Variants in EEFSEC observed in about 807,000 individuals in gnomAD.
EEFSEC encodes the protein eukaryotic elongation factor, selenocysteine-tRNA specific.
EEFSEC carries 43 observed loss-of-function variants against 42.1 expected under a neutral mutation model. The ratio of observed to expected loss-of-function variants is 1.02; its 90% CI spans 0.80 to 1.32. The LOEUF (loss-of-function observed/expected upper bound fraction) is 1.32. Among genes scored for constraint, EEFSEC ranks in the 40% most tolerant of loss-of-function variants. EEFSEC has a pLI of 0.00. For missense variants in EEFSEC, 745 were observed against 803.6 expected, an observed-to-expected ratio of 0.93 and a Z score of 0.88; for synonymous variants, 354 against 339.1, an observed-to-expected ratio of 1.04 and a Z score of -0.48.
chr3:128,357,313 A>G (rs775405907), intron 5 of EEFSEC, among the ~76,000 whole-genome samples: 20 of 152,392 alleles, frequency 1.3e-4, no homozygotes, highest in Middle Eastern at 6.8e-3. Context: ...AACATAGCTC[A>G]TGGTGAAATC....
At chr3:128,188,197 G>A (rs1163084132) in intron 1 of EEFSEC, among the ~76,000 whole-genome samples, 1 of 152,138 alleles carries the variant, frequency 6.6e-6, no homozygotes, top group Non-Finnish European at 1.5e-5. Flanking sequence ...ACCCAAGTTA[G>A]GAAATAGACT....
chr3:128,350,604 T>C (rs1335701304), intron 5 of EEFSEC, among the ~76,000 whole-genome samples: 1 of 152,266 alleles, frequency 6.6e-6, no homozygotes, highest in Non-Finnish European at 1.5e-5. Flanking sequence ...CTGTGATAGC[T>C]AAGTGTCTTG....
rs908073883 is a variant in EEFSEC at position 128,297,306 on chromosome 3, C to T, written c.786+32525C>T. Among the ~76,000 whole-genome samples the T allele has an allele frequency of 3.3e-5, 5 of 152,166 alleles. No individual in the cohort carries two copies. The South Asian group carries it at 6.2e-4, about 19-fold the overall frequency. ...TTTATGCTTACCCTTCTCTTGATTA[C>T]CATCAAGTGTGATGATAACTTTCGG... On this transcript the variant is annotated intron_variant, in intron 4 of 6. Coordinates refer to ENST00000254730, the MANE Select transcript of EEFSEC (RefSeq NM_021937.5).
At position 128,317,839 on chromosome 3, in the gene EEFSEC, C is replaced by T. The variant is rs1251683341; in HGVS notation, c.787-23394C>T. Among the ~76,000 whole-genome samples the T allele has an allele frequency of 1.3e-5, 2 of 152,254 alleles. No homozygotes were observed. The highest frequency in any genetic ancestry group is 2.9e-5 in the Non-Finnish European group (2 of 68,052). On this transcript the variant is annotated intron_variant, in intron 4 of 6. Transcript: ENST00000254730. The surrounding 1 kb of genome is among the most constrained non-coding windows in gnomAD (Gnocchi z 4.1). ...GCTCCGTCCATCCACAGGCCTGGCA[C>T]AGATGTCCCCTCCTCTCTGAGGTTT...
At chr3:128,258,113 G>C (rs1001049208) in intron 2 of EEFSEC, among the ~76,000 whole-genome samples, 1 of 152,214 alleles carries the variant, frequency 6.6e-6, no homozygotes, top group Non-Finnish European at 1.5e-5. Context: ...TTGTGAAGAG[G>C]ATGTGGGACA....
chr3:128,153,552 C>T lies in EEFSEC; in HGVS notation c.45C>T (p.His15=). 1 of 1,530,904 alleles carries T rather than the reference C, an allele frequency of 6.5e-7. No individual in the cohort carries two copies. The allele number at this position is 1,530,904 out of a possible 1,614,324, so 94.8% of individuals were successfully genotyped here. Residue 15 remains histidine, a synonymous_variant, in exon 1 of 7, where the codon CAC becomes CAT. Transcript: ENST00000254730. The part of the protein sequence containing the change: ...RVNVNVGVLG[H]IDSGKTALAR... ...ACGTGAACGTGGGCGTGCTGGGCCA[C>T]ATCGACAGCGGCAAGACGGCGCTGG...
At chr3:128,286,012 C>T (rs1274118937) in intron 4 of EEFSEC, among the ~76,000 whole-genome samples, 1 of 152,240 alleles carries the variant, frequency 6.6e-6, no homozygotes, top group Non-Finnish European at 1.5e-5. Flanking sequence ...GGTTTGTAGT[C>T]ATGCATGTGT....
At chr3:128,373,361 T>C (rs2067674961) in intron 6 of EEFSEC, among the ~76,000 whole-genome samples, 1 of 152,330 alleles carries the variant, frequency 6.6e-6, no homozygotes, top group Non-Finnish European at 1.5e-5. Context: ...CTGGGCTCTC[T>C]CACCTGGCCA....
At chr3:128,380,456 A>G (rs752319545) in intron 6 of EEFSEC, among the ~76,000 whole-genome samples, 7 of 151,922 alleles carry the variant, frequency 4.6e-5, no homozygotes, top group Non-Finnish European at 7.4e-5. Flanking sequence ...CCCTTCCCCT[A>G]TCTTGTTTGG....
chr3:128,359,917 C>G (rs1165494725), intron 6 of EEFSEC, among the ~76,000 whole-genome samples: 3 of 152,192 alleles, frequency 2.0e-5, no homozygotes, highest in Admixed American at 1.3e-4. Context: ...GCACCCTTCC[C>G]TCTCCTGACA....
chr3:128,289,959 G>C (rs2066625550), intron 4 of EEFSEC, among the ~76,000 whole-genome samples: 1 of 152,178 alleles, frequency 6.6e-6, no homozygotes, highest in Non-Finnish European at 1.5e-5. Context: ...TGATTTGTAA[G>C]AGTTCTTATA....
chr3:128,215,388 TA>T lies in EEFSEC; in HGVS notation c.317-31444del, dbSNP rs2065799679. On this transcript the variant is annotated intron_variant, in intron 1 of 6. Transcript: ENST00000254730. ...TCCCTAGTGTCTATGTGACTTTGGATAAAATGATGATGATTATGACGGTGAT... is the reference window on the plus strand; with the variant it reads ...TCCCTAGTGTCTATGTGACTTTGGATAAATGATGATGATTATGACGGTGAT... Among the ~76,000 whole-genome samples the T allele has an allele frequency of 2.0e-5, 3 of 152,224 alleles. No individual in the cohort carries two copies. The South Asian group carries it at 6.2e-4, about 32-fold the overall frequency.
chr3:128,332,173 CAT>C lies in EEFSEC; in HGVS notation c.787-9059_787-9058del, dbSNP rs200477533. ...TATATACACATGTTATATACACACA[CAT>C]GTGTATGGTAGTATATATATGTATA... is the stretch of plus-strand genomic sequence containing the variant. On this transcript the variant is annotated intron_variant, in intron 4 of 6. Coordinates refer to ENST00000254730, the MANE Select transcript of EEFSEC (RefSeq NM_021937.5). Among the ~76,000 whole-genome samples the C allele has an allele frequency of 1.1e-3, 161 of 152,000 alleles. 1 individual carries two copies. The East Asian group carries it at 0.019, about 18-fold the overall frequency.
chr3:128,258,080 A>G (rs2955094), intron 2 of EEFSEC, among the ~76,000 whole-genome samples: 127,837 of 152,188 alleles, frequency 0.84, 54,168 homozygotes, highest in East Asian at 0.99. Flanking sequence ...AATAGCTTAG[A>G]TGGCACACAA....
rs769084139 is a variant in EEFSEC at position 128,341,900 on chromosome 3, C to T, written c.1443+11C>T. The T allele has an allele frequency of 1.0e-5, 16 of 1,606,464 alleles. No homozygotes were observed. The highest frequency in any genetic ancestry group is 1.7e-5 in the Admixed American group (1 of 59,812). On this transcript the variant is annotated intron_variant, in intron 5 of 6. Coordinates refer to ENST00000254730, the MANE Select transcript of EEFSEC (RefSeq NM_021937.5). The stretch of plus-strand genomic sequence containing the variant: ...GGCCTTGTGGAGCGGGTGAGCATGC[C>T]CTTGCCTGGCCCCACACCCCTTCCC...
chr3:128,319,116 A>G (rs997651901), intron 4 of EEFSEC, among the ~76,000 whole-genome samples: 7 of 152,200 alleles, frequency 4.6e-5, no homozygotes, highest in Non-Finnish European at 1.0e-4. Flanking sequence ...CACCTGGAAC[A>G]TGTTTCATGT....
chr3:128,263,146 A>G (rs774779576), intron 3 of EEFSEC, among the ~76,000 whole-genome samples: 3 of 152,236 alleles, frequency 2.0e-5, no homozygotes, highest in Non-Finnish European at 4.4e-5. Context: ...CAGGCCAGGC[A>G]CTGTACTAAG....
intron 5 of EEFSEC, among the ~76,000 whole-genome samples, chr3:128,344,808 GAT>G (rs2067293390): frequency 6.6e-6 from 1 of 152,202 alleles, no homozygotes; most frequent in South Asian, 2.1e-4. Flanking sequence ...TCCTTCGAAG[GAT>G]GGTCTTGACC....
downstream of EEFSEC, among the ~76,000 whole-genome samples, chr3:128,412,337 C>T (rs527547499): frequency 1.9e-4 from 29 of 152,368 alleles, no homozygotes; most frequent in African/African-American, 5.0e-4. Flanking sequence ...CGGCCCTGGC[C>T]TCCTCTGCCG....
Sources: allele counts gnomAD v4.1 joint callset (sites outside exome capture counted in the v4.1 genomes callset), GRCh38; gene constraint gnomAD v4.1.1; non-coding constraint Gnocchi (gnomAD v3.1); transcripts MANE v1.5; gene names NCBI Gene and HGNC (gene_info 2026-07-23, HGNC 2026-07-21).